ARL15: variants seen among roughly 807,000 people sequenced by gnomAD.
The protein encoded by ARL15 is ARF like GTPase 15.
In ARL15, 19 loss-of-function variants were observed where a neutral mutation model predicts 25.2. The ratio of observed to expected loss-of-function variants is 0.75; its 90% confidence interval spans 0.53 to 1.10. The LOEUF (loss-of-function observed/expected upper bound fraction) is 1.10. Among genes scored for constraint, ARL15 ranks in the 50% least tolerant of loss-of-function variants. ARL15 has a pLI of 0.00. For missense variants in ARL15, 220 were observed against 246.0 expected, an observed-to-expected ratio of 0.89 and a Z score of 0.71; for synonymous variants, 94 against 86.8, an observed-to-expected ratio of 1.08 and a Z score of -0.46.
At chr5:53,995,303 C>CAAAAAA (rs34234639) in intron 4 of ARL15, among the ~76,000 whole-genome samples, 44 of 44,570 alleles carry the variant, frequency 9.9e-4, no homozygotes, top group Non-Finnish European at 1.0e-3. Context: ...GACTCCGTCA[C>CAAAAAA]AAAAAAAAAA....
At chr5:54,134,732 G>A (rs1026349901) in intron 3 of ARL15, among the ~76,000 whole-genome samples, 1 of 151,534 alleles carries the variant, frequency 6.6e-6, no homozygotes, top group Non-Finnish European at 1.5e-5. Flanking sequence ...CTACAGGCAC[G>A]CACCACCACA....
chr5:53,937,465 A>T (rs2112072918), intron 4 of ARL15, among the ~76,000 whole-genome samples: 1 of 152,364 alleles, frequency 6.6e-6, no homozygotes, highest in Non-Finnish European at 1.5e-5. Context: ...AAATAAGTAC[A>T]GTCACGTGTA....
intron 3 of ARL15, among the ~76,000 whole-genome samples, chr5:54,131,865 T>C (rs1221671611): frequency 6.6e-6 from 1 of 150,634 alleles, no homozygotes; most frequent in African/African-American, 2.5e-5. Flanking sequence ...ATCGCGCCAC[T>C]GCACTCCAGC....
In ARL15 at chr5:54,064,292, C is replaced by G. The variant is rs138837506; in HGVS notation, c.462+48910G>C. 1.7e-3 allele frequency among the ~76,000 whole-genome samples: 265 copies of G among 152,268 alleles called. 3 individuals carry two copies. The highest frequency in any genetic ancestry group is 6.1e-3 in the African/African-American group (254 of 41,554). ...TAAAAGGAAGAAAGGATGCAAAGGACAAGATCCATACTAAATAATGTGGCC... is the reference window on the plus strand; with the variant it reads ...TAAAAGGAAGAAAGGATGCAAAGGAGAAGATCCATACTAAATAATGTGGCC... On this transcript the variant is annotated intron_variant, in intron 4 of 4. Coordinates refer to ENST00000504924, the MANE Select transcript of ARL15 (RefSeq NM_019087.3).
intron 1 of ARL15, among the ~76,000 whole-genome samples, chr5:54,216,857 A>T (rs1206078910): frequency 6.6e-6 from 1 of 152,224 alleles, no homozygotes; most frequent in East Asian, 1.9e-4. Flanking sequence ...TAAAATGATA[A>T]CTGAAACAGA....
chr5:54,148,145 C>G (rs1244175932), intron 3 of ARL15, among the ~76,000 whole-genome samples: 1 of 152,132 alleles, frequency 6.6e-6, no homozygotes, highest in Non-Finnish European at 1.5e-5. Context: ...GTACAAAAGA[C>G]AGAAACTAAA....
intron 1 of ARL15, among the ~76,000 whole-genome samples, chr5:54,234,184 G>A (rs1305548356): frequency 6.6e-6 from 1 of 151,842 alleles, no homozygotes; most frequent in Admixed American, 6.6e-5. Flanking sequence ...TTGTAGAGAT[G>A]GGGTTTCTCC....
intron 4 of ARL15, among the ~76,000 whole-genome samples, chr5:53,993,543 A>G (rs555846880): frequency 5.5e-4 from 84 of 152,166 alleles, no homozygotes; most frequent in Non-Finnish European, 1.0e-3. Context: ...CTGTCCTTAC[A>G]TTGCCTATTT....
At chr5:54,034,280 G>T (rs973487760) in intron 4 of ARL15, among the ~76,000 whole-genome samples, 1 of 152,196 alleles carries the variant, frequency 6.6e-6, no homozygotes, top group Non-Finnish European at 1.5e-5. Flanking sequence ...CAGGATGAGT[G>T]TAAGGCAGGA....
At chr5:54,256,414 A>T (rs1161691763) in intron 1 of ARL15, among the ~76,000 whole-genome samples, 1 of 15,258 alleles carries the variant, frequency 6.6e-5, no homozygotes, top group East Asian at 6.4e-4. Flanking sequence ...GAATCAGTTT[A>T]AAAAAAAAAA....
At position 53,969,983 on chromosome 5, in the gene ARL15, A is replaced by G. The variant is rs555785861; in HGVS notation, c.463-83270T>C. On this transcript the variant is annotated intron_variant, in intron 4 of 4. Coordinates refer to ENST00000504924, the MANE Select transcript of ARL15 (RefSeq NM_019087.3). Reference sequence around the variant, plus strand: ...GGTTTAACTCTCTTGGCATACTGTAAAGGTGATTGCATGCTGGATAAAAGG... The same window carrying G: ...GGTTTAACTCTCTTGGCATACTGTAGAGGTGATTGCATGCTGGATAAAAGG... Among the ~76,000 whole-genome samples, 4 of 152,276 alleles carry G rather than the reference A, an allele frequency of 2.6e-5. No homozygotes were observed. The South Asian group carries it at 8.3e-4, about 32-fold the overall frequency.
intron 4 of ARL15, among the ~76,000 whole-genome samples, chr5:53,890,650 C>A (rs114428499): frequency 1.3e-5 from 2 of 152,080 alleles, no homozygotes; most frequent in African/African-American, 4.8e-5. Flanking sequence ...ATGTGTCCAC[C>A]CTAGAGATAG....
intron 1 of ARL15, among the ~76,000 whole-genome samples, chr5:54,203,182 C>G (rs555023062): frequency 5.9e-5 from 9 of 152,138 alleles, no homozygotes; most frequent in African/African-American, 1.9e-4. Flanking sequence ...CCCACTCCCC[C>G]CTCACTGTTA....
chr5:54,145,939 TC>T (rs1401169114), intron 3 of ARL15, among the ~76,000 whole-genome samples: 4 of 152,120 alleles, frequency 2.6e-5, no homozygotes, highest in Non-Finnish European at 4.4e-5. Context: ...TTAGTGTATC[TC>T]CATGACTTTT....
chr5:54,302,182 C>A (rs993941320), intron 1 of ARL15, among the ~76,000 whole-genome samples: 1 of 152,174 alleles, frequency 6.6e-6, no homozygotes, highest in African/African-American at 2.4e-5. Flanking sequence ...TCAAGTGACC[C>A]CTCAATTTCC....
chr5:53,983,072 A>G (rs2111608412), intron 4 of ARL15, among the ~76,000 whole-genome samples: 1 of 151,966 alleles, frequency 6.6e-6, no homozygotes, highest in South Asian at 2.1e-4. Flanking sequence ...GTTTTTTCTT[A>G]TGTAAACTGC....
intron 1 of ARL15, among the ~76,000 whole-genome samples, chr5:54,268,374 T>G (rs1328854398): frequency 6.6e-6 from 1 of 152,184 alleles, no homozygotes; most frequent in African/African-American, 2.4e-5. Context: ...TCGTCTAAAT[T>G]TTTTTCAAAG....
At chr5:54,106,594 T>C (rs1246753922) in intron 4 of ARL15, among the ~76,000 whole-genome samples, 1 of 152,138 alleles carries the variant, frequency 6.6e-6, no homozygotes, top group Admixed American at 6.5e-5. Flanking sequence ...TAATACCTAA[T>C]AATGTAAATG....
intron 3 of ARL15, among the ~76,000 whole-genome samples, chr5:54,150,342 C>T (rs1212516740): frequency 6.6e-6 from 1 of 152,136 alleles, no homozygotes; most frequent in East Asian, 1.9e-4. Flanking sequence ...AGCAGGATTA[C>T]AGAACCAGAA....
Sources: allele counts gnomAD v4.1 joint callset (sites outside exome capture counted in the v4.1 genomes callset), GRCh38; gene constraint gnomAD v4.1.1; transcripts MANE v1.5; gene names NCBI Gene and HGNC (gene_info 2026-07-23, HGNC 2026-07-21).